The following PTPRR variants were observed in gnomAD, a reference collection of about 807,000 sequenced individuals.
PTPRR encodes protein tyrosine phosphatase receptor type R.
A neutral mutation model predicts 77.2 loss-of-function variants in PTPRR; 38 were observed. The ratio of observed to expected loss-of-function variants is 0.49; its 90% CI spans 0.38 to 0.65. PTPRR has a LOEUF of 0.65. Ranked by LOEUF, PTPRR falls within the 30% of genes least tolerant of loss-of-function variation. The pLI is 0.00. For missense variants in PTPRR, 744 were observed against 799.2 expected (o/e 0.93, Z 0.83); for synonymous variants, 299 against 283.1 (o/e 1.06, Z -0.57).
At chr12:70,858,545 G>A (rs1312668271) in intron 2 of PTPRR, among the ~76,000 whole-genome samples, 1 of 150,430 alleles carries the variant, frequency 6.6e-6, no homozygotes, top group Non-Finnish European at 1.5e-5. Flanking sequence ...AAAACTATCA[G>A]GTTTCCTATT....
At position 70,638,172 on chromosome 12, in the gene PTPRR, G is replaced by A. The variant is rs982372002; in HGVS notation, c.*1012C>T. ...AGCAGAACAGCTAGTGTTTGCTGAG[G>A]GTAGTTATTTTAATTTTTTTTGTCT... On this transcript the variant is annotated 3_prime_UTR_variant, in exon 14 of 14. Transcript: ENST00000283228. 3.3e-5 allele frequency: 5 copies of A among 152,494 alleles called. No individual in the cohort carries two copies. Among genetic ancestry groups the A allele is most frequent in the African/African-American group, 1.2e-4 (5 of 41,400 alleles). The allele number at this position is 152,494 out of a possible 1,614,324, so 9.4% of individuals were successfully genotyped here. A position where few individuals can be genotyped will look rare whatever the true frequency, so the allele number is the denominator to read the frequency against.
At chr12:70,719,093 A>T (rs1889143330) in intron 6 of PTPRR, among the ~76,000 whole-genome samples, 2 of 152,178 alleles carry the variant, frequency 1.3e-5, no homozygotes, top group South Asian at 4.1e-4. Flanking sequence ...ACAAATTCCC[A>T]AAGTTCTTCA....
intron 1 of PTPRR, among the ~76,000 whole-genome samples, chr12:70,895,673 A>G (rs1439965270): frequency 6.6e-6 from 1 of 151,680 alleles, no homozygotes; most frequent in South Asian, 2.1e-4. Flanking sequence ...TAGAACTACC[A>G]AAGCATAATC....
intron 10 of PTPRR, chr12:70,672,361 C>T (rs144655095): frequency 2.8e-6 from 4 of 1,407,970 alleles, no homozygotes; most frequent in African/African-American, 1.4e-5. Context: ...ATGAGATGGT[C>T]CTCCCATCAG....
chr12:70,779,099 C>A (rs895763599), intron 2 of PTPRR, among the ~76,000 whole-genome samples: 2 of 152,146 alleles, frequency 1.3e-5, no homozygotes, highest in African/African-American at 4.8e-5. Flanking sequence ...CCGCCCACCT[C>A]AGCCTCCCAA....
intron 2 of PTPRR, among the ~76,000 whole-genome samples, chr12:70,821,776 T>C (rs906166602): frequency 1.3e-5 from 2 of 152,124 alleles, no homozygotes; most frequent in Non-Finnish European, 2.9e-5. Context: ...GCCATTCTCC[T>C]GCCTCAGCCT....
chr12:70,857,911 G>C (rs1186795186), intron 2 of PTPRR, among the ~76,000 whole-genome samples: 3 of 152,106 alleles, frequency 2.0e-5, no homozygotes, highest in African/African-American at 7.2e-5. Flanking sequence ...CATTTCTCTA[G>C]GGATGTGGCA....
chr12:70,811,453 G>A (rs1165308171), intron 2 of PTPRR, among the ~76,000 whole-genome samples: 4 of 152,148 alleles, frequency 2.6e-5, no homozygotes, highest in Admixed American at 6.5e-5. Context: ...AAAACTGCCT[G>A]CAAAAGGTTC....
intron 8 of PTPRR, among the ~76,000 whole-genome samples, chr12:70,689,749 G>A (rs1461587535): frequency 6.6e-6 from 1 of 152,174 alleles, no homozygotes; most frequent in Non-Finnish European, 1.5e-5. Flanking sequence ...TTCTTGCCAA[G>A]CATGCTCCGT....
At chr12:70,877,580 T>C (rs1893072560) in intron 2 of PTPRR, among the ~76,000 whole-genome samples, 1 of 152,104 alleles carries the variant, frequency 6.6e-6, no homozygotes, top group African/African-American at 2.4e-5. Flanking sequence ...TACAAACCAC[T>C]GCTGAATGAA....
At chr12:70,815,827 A>T (rs181972116) in intron 2 of PTPRR, among the ~76,000 whole-genome samples, 19 of 152,282 alleles carry the variant, frequency 1.2e-4, no homozygotes, top group Admixed American at 1.2e-3. Context: ...GACACATAAA[A>T]ATGAAGAGCA....
rs545578133 is a variant in PTPRR at position 70,845,021 on chromosome 12, T to C, written c.357+47658A>G. ...TATAAGGAAGGATTTATGTGGGCTGTTAGAATCAAACAAAGTTTCCAAAAG... is the reference window on the plus strand; with the variant it reads ...TATAAGGAAGGATTTATGTGGGCTGCTAGAATCAAACAAAGTTTCCAAAAG... On this transcript the variant is annotated intron_variant, in intron 2 of 13. Coordinates refer to ENST00000283228, the MANE Select transcript of PTPRR (RefSeq NM_002849.4). Among the ~76,000 whole-genome samples the C allele has an allele frequency of 2.4e-4, 36 of 152,310 alleles. No homozygotes were observed. The South Asian group carries it at 7.1e-3, about 30-fold the overall frequency.
chr12:70,688,701 G>A (rs556403415), intron 8 of PTPRR, among the ~76,000 whole-genome samples: 3 of 152,094 alleles, frequency 2.0e-5, no homozygotes, highest in Non-Finnish European at 2.9e-5. Flanking sequence ...ATATCCAAAG[G>A]AACTGAAGTC....
chr12:70,685,502 T>TAAAAAAA (rs1887831573), intron 8 of PTPRR, among the ~76,000 whole-genome samples: 1 of 111,320 alleles, frequency 9.0e-6, no homozygotes, highest in Admixed American at 9.7e-5. Flanking sequence ...AAAAAAAAAT[T>TAAAAAAA]AGCCAGGCAT....
chr12:70,840,859 T>A (rs2137059483), intron 2 of PTPRR, among the ~76,000 whole-genome samples: 1 of 152,072 alleles, frequency 6.6e-6, no homozygotes, highest in Admixed American at 6.5e-5. Flanking sequence ...CCAACAAAAT[T>A]ATCACAACAG....
intron 2 of PTPRR, among the ~76,000 whole-genome samples, chr12:70,842,197 T>C (rs1892409140): frequency 1.3e-5 from 2 of 152,206 alleles, no homozygotes; most frequent in Admixed American, 6.5e-5. Context: ...CCTATAATTC[T>C]CTGTAAGCAA....
At chr12:70,697,444 G>C (rs966043350) in intron 8 of PTPRR, among the ~76,000 whole-genome samples, 1 of 152,020 alleles carries the variant, frequency 6.6e-6, no homozygotes, top group African/African-American at 2.4e-5. Flanking sequence ...TAAGATTTGC[G>C]TATTGTAGCT....
chr12:70,855,768 G>C (rs10879205), intron 2 of PTPRR, among the ~76,000 whole-genome samples: 1 of 151,934 alleles, frequency 6.6e-6, no homozygotes, highest in African/African-American at 2.4e-5. Context: ...AAAGTTATTC[G>C]TTTTTAAGGC....
intron 10 of PTPRR, among the ~76,000 whole-genome samples, chr12:70,669,463 A>G (rs953070908): frequency 6.0e-5 from 9 of 150,522 alleles, no homozygotes; most frequent in East Asian, 3.9e-4. Context: ...ATATATATAT[A>G]TATACACACA....
Sources: gnomAD v4.1 joint callset for allele counts (sites outside exome capture counted in the v4.1 genomes callset) on GRCh38, gnomAD v4.1.1 for gene constraint, MANE v1.5 for transcripts, NCBI Gene and HGNC (gene_info 2026-07-23, HGNC 2026-07-21) for gene names.